Variants in PTCH1 observed in about 807,000 individuals in gnomAD.
PTCH1 encodes the protein patched 1.
PTCH1 carries 14 observed loss-of-function variants against 144.6 expected under a neutral mutation model. That is an observed-to-expected ratio of 0.10 (90% CI 0.06 to 0.15). The LOEUF is 0.15. Ranked by LOEUF, PTCH1 falls within the 10% of genes least tolerant of loss-of-function variation. The pLI is 1.00. For missense variants in PTCH1, 1,623 were observed against 1,948.3 expected, an observed-to-expected ratio of 0.83 and a Z score of 3.14; for synonymous variants, 833 against 793.6, an observed-to-expected ratio of 1.05 and a Z score of -0.83.
intron 19 of PTCH1, 135 bp downstream of exon 19, chr9:95,456,141 T>A (rs1838900369): frequency 2.1e-5 from 28 of 1,332,968 alleles, no homozygotes; most frequent in Non-Finnish European, 2.6e-5. Context: ...CAGGCTCTCC[T>A]AGGGGGCCCC....
At chr9:95,464,901 G>A (rs776692052) in intron 15 of PTCH1, among the ~76,000 whole-genome samples, 7 of 152,104 alleles carry the variant, frequency 4.6e-5, no homozygotes, top group Non-Finnish European at 1.0e-4. Context: ...CCTGAAAAAC[G>A]TGTAGGCAGC....
intron 13 of PTCH1, among the ~76,000 whole-genome samples, chr9:95,469,379 A>G (rs1489122821): frequency 6.6e-6 from 1 of 152,170 alleles, no homozygotes; most frequent in African/African-American, 2.4e-5. Context: ...CACATGGAGG[A>G]CTGATCCTAA....
chr9:95,472,410 C>A (rs1040368865), intron 12 of PTCH1, among the ~76,000 whole-genome samples: 1 of 152,052 alleles, frequency 6.6e-6, no homozygotes, highest in Non-Finnish European at 1.5e-5. Context: ...CGTCTGTGGA[C>A]GGGGTTAGGA....
chr9:95,446,881 C>A, intron 23 of PTCH1, 30 bp downstream of exon 23: 1 of 1,613,048 alleles, frequency 6.2e-7, no homozygotes, highest in Admixed American at 1.7e-5. Flanking sequence ...GGCTCTAGGT[C>A]CCTTGGCTGC....
At chr9:95,455,125 C>G (rs1332767035) in intron 19 of PTCH1, among the ~76,000 whole-genome samples, 1 of 152,166 alleles carries the variant, frequency 6.6e-6, no homozygotes, top group African/African-American at 2.4e-5. Context: ...ATAATTTGAG[C>G]AGGCTCAAAA....
Position 95,458,043 on chromosome 9 carries a change from G to C in PTCH1, c.3138C>G (p.Phe1046Leu). 1 of 1,614,170 alleles carries C rather than the reference G, an allele frequency of 6.2e-7. No individual in the cohort carries two copies. Among genetic ancestry groups the C allele is most frequent in the Non-Finnish European group, 8.5e-7 (1 of 1,180,040 alleles). Reference protein sequence around the residue: ...LACTFLVCAVFLLNPWTAGII... With the variant: ...LACTFLVCAVLLLNPWTAGII... ...TCCCGGCCGTCCAGGGGTTCAGAAG[G>C]AAGACAGCGCACACGAGGAATGTGC... The change falls in exon 18 of 24, where the codon TTC (phenylalanine) becomes TTG (leucine). Residue 1046 changes from phenylalanine (F) to leucine (L), a missense_variant. By Grantham distance (22) the Phe-to-Leu change is conservative. This residue lies in a region of PTCH1 where 504 missense variants were observed against 679.3 expected (regional missense o/e 0.74). Transcript: ENST00000331920. This position sits in a 1 kb window ranked among gnomAD's most constrained non-coding sequence, Gnocchi z 4.7.
chr9:95,458,836 G>A lies in PTCH1; in HGVS notation c.2888-543C>T, dbSNP rs193143422. Among the ~76,000 whole-genome samples the A allele has an allele frequency of 6.6e-6, 1 of 152,324 alleles. No homozygotes were observed. Among genetic ancestry groups the A allele is most frequent in the Non-Finnish European group, 1.5e-5 (1 of 68,030 alleles). ...GTTCCAGACCCTCTGGGGTCATTCAGTTGACTTGCTAAACATGATTTGCCC... is the reference window on the plus strand; with the variant it reads ...GTTCCAGACCCTCTGGGGTCATTCAATTGACTTGCTAAACATGATTTGCCC... On this transcript the variant is annotated intron_variant, in intron 17 of 23. Transcript: ENST00000331920. This position sits in a 1 kb window ranked among gnomAD's most constrained non-coding sequence, Gnocchi z 4.7.
chr9:95,494,640 G>A (rs1285684433), intron 2 of PTCH1, among the ~76,000 whole-genome samples: 1 of 152,148 alleles, frequency 6.6e-6, no homozygotes, highest in Non-Finnish European at 1.5e-5. Flanking sequence ...GGAAGTGGGC[G>A]GGCCCAGAGG....
At position 95,449,115 on chromosome 9, in the gene PTCH1, T is replaced by G. The variant is rs146390067; in HGVS notation, c.3758A>C (p.Gln1253Pro). 3 of 1,614,194 alleles carry G rather than the reference T, an allele frequency of 1.9e-6. No individual in the cohort carries two copies. Among genetic ancestry groups the G allele is most frequent in the Non-Finnish European group, 1.7e-6 (2 of 1,180,044 alleles). Residue 1253 changes from glutamine to proline, a missense_variant, in exon 22 of 24, where the codon CAA (glutamine) becomes CCA (proline). Transcript: ENST00000331920. This position sits in a 1 kb window ranked among gnomAD's most constrained non-coding sequence, Gnocchi z 5.3. ...AQQGAGGPAHQVIVEATENPV... is the reference protein window; with the variant it reads ...AQQGAGGPAHPVIVEATENPV... ...GTTTTCTGTGGCTTCCACGATCACT[T>G]GGTGGGCAGGGCCTCCCGCGCCCTG...
rs962367211 is a variant in PTCH1, at chr9:95,508,042, A to AGT, written c.201+117_201+118dup. The AGT allele has an allele frequency of 2.3e-3, 2,003 of 855,338 alleles. 2 individuals carry two copies. Among genetic ancestry groups the AGT allele is most frequent in the Non-Finnish European group, 2.6e-3 (1,627 of 636,000 alleles). The allele number at this position is 855,338 out of a possible 1,614,324, so 53.0% of individuals were successfully genotyped here. On this transcript the variant is annotated intron_variant, in intron 1 of 23. Coordinates refer to ENST00000331920, the MANE Select transcript of PTCH1 (RefSeq NM_000264.5). ...TGCTTTTCCTGGAGAGGTGTGAGTG[A>AGT]GTGTGTGTGTGTGTGTGAGAGAGAG...
At chr9:95,490,121 C>T (rs1842274980) in intron 2 of PTCH1, among the ~76,000 whole-genome samples, 1 of 150,694 alleles carries the variant, frequency 6.6e-6, no homozygotes, top group African/African-American at 2.4e-5. Flanking sequence ...ATAATATTTA[C>T]CCGCTTTGCT....
chr9:95,470,857 G>A (rs1363178744), intron 12 of PTCH1, among the ~76,000 whole-genome samples: 2 of 152,132 alleles, frequency 1.3e-5, no homozygotes, highest in East Asian at 1.9e-4. Flanking sequence ...GGTGGATCAC[G>A]GGGTCAGGGA....
intron 3 of PTCH1, 110 bp from the exon 4 acceptor site, chr9:95,482,313 G>A (rs1047534776): frequency 5.4e-6 from 6 of 1,107,376 alleles, no homozygotes; most frequent in Non-Finnish European, 6.6e-6. Flanking sequence ...TCACTTTTAA[G>A]CATCTGTCAA....
At chr9:95,490,857 G>A (rs954124963) in intron 2 of PTCH1, among the ~76,000 whole-genome samples, 5 of 152,214 alleles carry the variant, frequency 3.3e-5, no homozygotes, top group African/African-American at 1.2e-4. Flanking sequence ...AAAATAGCTA[G>A]AAGAGAAGAT....
intron 1 of PTCH1, among the ~76,000 whole-genome samples, chr9:95,515,631 C>G (rs1002693660): frequency 6.6e-6 from 1 of 152,194 alleles, no homozygotes; most frequent in Non-Finnish European, 1.5e-5. Context: ...AAGTGAGAAT[C>G]GGTCCGGCCC....
chr9:95,459,986 T>A, intron 16 of PTCH1: 1 of 646,860 alleles, frequency 1.5e-6, no homozygotes, highest in East Asian at 2.8e-5. Context: ...ACTGGCGTGT[T>A]TATAACAAAC....
intron 2 of PTCH1, among the ~76,000 whole-genome samples, chr9:95,504,470 A>C (rs924783429): frequency 3.9e-5 from 6 of 152,222 alleles, no homozygotes; most frequent in East Asian, 1.9e-4. Context: ...CTTGCTAAGA[A>C]CACCACAAAA....
chr9:95,456,232 G>A (rs775098682), intron 19 of PTCH1, 44 bp downstream of exon 19: 5 of 1,609,616 alleles, frequency 3.1e-6, no homozygotes, highest in Admixed American at 1.7e-5. Context: ...CAGAGGAAAT[G>A]GGTTGTTTTT....
intron 3 of PTCH1, chr9:95,483,623 G>A: frequency 6.6e-6 from 1 of 152,314 alleles, no homozygotes; most frequent in Non-Finnish European, 1.5e-5. Context: ...AGCCCTGGCT[G>A]GGCAGATCTC....
Sources: allele counts gnomAD v4.1 joint callset (sites outside exome capture counted in the v4.1 genomes callset), GRCh38; gene constraint gnomAD v4.1.1; regional missense constraint gnomAD v4.1.1; non-coding constraint Gnocchi (gnomAD v3.1); transcripts MANE v1.5; gene names NCBI Gene and HGNC (gene_info 2026-07-23, HGNC 2026-07-21).